MDN1: variants seen among roughly 807,000 people sequenced by gnomAD.
MDN1 encodes the protein midasin.
Under a neutral mutation model 669.2 loss-of-function variants are expected in MDN1, and 266 were observed. That is an observed-to-expected ratio of 0.40 (90% CI 0.36 to 0.44). MDN1 has a LOEUF of 0.44. MDN1 is among the 20% of genes least tolerant of loss of function. The pLI, the probability that MDN1 is intolerant of heterozygous loss-of-function variation, is 1.00. For synonymous variants in MDN1, 2,385 were observed against 2,457.1 expected, an observed-to-expected ratio of 0.97 and a Z score of 0.87; for missense variants, 5,940 against 6,754.0, an observed-to-expected ratio of 0.88 and a Z score of 4.22.
intron 65 of MDN1, among the ~76,000 whole-genome samples, chr6:89,689,229 A>G (rs1381125094): frequency 6.6e-6 from 1 of 152,180 alleles, no homozygotes; most frequent in Non-Finnish European, 1.5e-5. Context: ...TGGCCTAGAG[A>G]ACTGTAATCC....
intron 7 of MDN1, among the ~76,000 whole-genome samples, chr6:89,788,659 A>G (rs1436588135): frequency 2.0e-5 from 3 of 152,194 alleles, no homozygotes; most frequent in Admixed American, 1.3e-4. Flanking sequence ...TTAGGCTGAG[A>G]AGAAAAGAAA....
chr6:89,773,834 G>T (rs1323749516), intron 13 of MDN1, among the ~76,000 whole-genome samples: 1 of 151,854 alleles, frequency 6.6e-6, no homozygotes, highest in Non-Finnish European at 1.5e-5. Flanking sequence ...GCGTGGTGGC[G>T]CATGCCTGTA....
intron 74 of MDN1, among the ~76,000 whole-genome samples, chr6:89,679,168 G>A (rs145486668): frequency 9.9e-5 from 15 of 152,244 alleles, no homozygotes; most frequent in Admixed American, 9.2e-4. Context: ...CTAGTACATC[G>A]TAAATTCTCT....
intron 5 of MDN1, among the ~76,000 whole-genome samples, chr6:89,793,114 C>G (rs1043279705): frequency 1.3e-5 from 2 of 152,100 alleles, no homozygotes; most frequent in African/African-American, 2.4e-5. Flanking sequence ...TCAAGCCATT[C>G]GTGGAAAGAA....
Position 89,688,583 on chromosome 6 carries a change from G to T in MDN1, c.11249C>A (p.Ala3750Glu), listed in dbSNP as rs772321751. The part of the protein sequence containing the change: ...HLLQDWPEHP[A>E]LEQLLVVMDR... ...CAACAGCTGCCCTACCTGTTCAAGCGCTGGGTGTTCTGGCCAGTCCTGTAG... is the reference window on the plus strand; with the variant it reads ...CAACAGCTGCCCTACCTGTTCAAGCTCTGGGTGTTCTGGCCAGTCCTGTAG... Residue 3750 changes from alanine (A) to glutamate (E), a missense_variant, in exon 66 of 102, where the codon GCG becomes GAG. Physicochemically the swap from Ala to Glu is moderately radical, Grantham distance 107. Coordinates refer to ENST00000369393, the MANE Select transcript of MDN1 (RefSeq NM_014611.3). The T allele has an allele frequency of 6.2e-7, 1 of 1,613,528 alleles. No homozygotes were observed. The highest frequency in any genetic ancestry group is 1.7e-5 in the Admixed American group (1 of 59,978).
Position 89,745,338 on chromosome 6 carries a change from T to C in MDN1, c.4113A>G (p.Arg1371=), listed in dbSNP as rs761747510. 6 of 1,613,576 alleles carry C rather than the reference T, an allele frequency of 3.7e-6. No homozygotes were observed. In the African/African-American group the frequency reaches 6.7e-5, roughly 18 times the overall value. The stretch of plus-strand genomic sequence containing the variant: ...ATGCCCTTCCCACTAGCATCGCGAG[T>C]CTCCGCATGCCCTCAGTCCACACGA... ...GHIVWTEGMR[R]LAMLVGRALE... The change falls in exon 29 of 102, where the codon AGA becomes AGG. Residue 1371 remains arginine, a synonymous_variant. Transcript: ENST00000369393.
chr6:89,680,157 C>T (rs187901452), intron 74 of MDN1, among the ~76,000 whole-genome samples: 280 of 152,236 alleles, frequency 1.8e-3, no homozygotes, highest in Non-Finnish European at 2.1e-3. Context: ...CTCACCTTCC[C>T]TGAGCAAAGA....
At chr6:89,696,060 A>G (rs763619477) in intron 60 of MDN1, 68 bp from the exon 61 acceptor site, 4 of 1,510,624 alleles carry the variant, frequency 2.6e-6, no homozygotes, top group Admixed American at 4.2e-5. Context: ...TTCATACAGT[A>G]TAATTCTCTC....
intron 1 of MDN1, among the ~76,000 whole-genome samples, chr6:89,806,939 T>C (rs977073528): frequency 1.3e-5 from 2 of 151,956 alleles, no homozygotes; most frequent in Non-Finnish European, 2.9e-5. Flanking sequence ...ACATAAAATA[T>C]AAATTTCATT....
At position 89,690,114 on chromosome 6, in the gene MDN1, C is replaced by G. The variant is rs549448645; in HGVS notation, c.10779G>C (p.Thr3593=). ...CTGAAGTTCCTTTGTTCTCCTCCAA[C>G]GTTGGCTGCACCAAAATATCTGCAA... ...KDFADILVQP[T]LEENKGTSDG... The change falls in exon 65 of 102, where the codon ACG becomes ACC. Residue 3593 remains threonine (T), a synonymous_variant. Coordinates refer to ENST00000369393, the MANE Select transcript of MDN1 (RefSeq NM_014611.3). 1.2e-6 allele frequency: 2 copies of G among 1,614,126 alleles called. No individual in the cohort carries two copies. Among genetic ancestry groups the G allele is most frequent in the East Asian group, 2.2e-5 (1 of 44,894 alleles).
chr6:89,789,765 C>T lies in MDN1; in HGVS notation c.1230+15G>A. ...AAATATATTAAGGGACAATGAATTT[C>T]CTGAGATGACATACCACGTCTAAGG... On this transcript the variant is annotated intron_variant, in intron 7 of 101. Transcript: ENST00000369393. The T allele has an allele frequency of 6.4e-7, 1 of 1,572,660 alleles. No individual in the cohort carries two copies. Among genetic ancestry groups the T allele is most frequent in the African/African-American group, 1.4e-5 (1 of 73,056 alleles).
rs575063395 is a variant in MDN1, at chr6:89,658,832, G to A, written c.14799C>T (p.Asn4933=). The A allele has an allele frequency of 1.9e-5, 30 of 1,613,956 alleles. No homozygotes were observed. Among genetic ancestry groups the A allele is most frequent in the Admixed American group, 6.7e-5 (4 of 59,994 alleles). The stretch of plus-strand genomic sequence containing the variant: ...CAGGCTCCTGTGGACTCTGACTTTC[G>A]TTCTGGTCGGTCTCGGTCTCTCCTC... ...EERGETETDQ[N]ESQSPQEPEE... The change falls in exon 89 of 102, where the codon AAC becomes AAT. Residue 4933 remains asparagine, a synonymous_variant. Transcript: ENST00000369393.
At position 89,682,630 on chromosome 6, in the gene MDN1, C is replaced by A. The variant is rs185478039; in HGVS notation, c.12102+502G>T. On this transcript the variant is annotated intron_variant, in intron 73 of 101. Transcript: ENST00000369393. ...GGCTGAGGCAGGAGAATGGCATGAA[C>A]CCAGGAGGCGGAGCTTGCAGTGAGC... 5.4e-3 allele frequency among the ~76,000 whole-genome samples: 794 copies of A among 147,826 alleles called. 7 individuals are homozygous for A. Among genetic ancestry groups the A allele is most frequent in the Non-Finnish European group, 9.0e-3 (601 of 67,120 alleles).
At chr6:89,677,730 T>C (rs1477087951) in intron 75 of MDN1, 34 bp from the exon 76 acceptor site, 2 of 1,612,982 alleles carry the variant, frequency 1.2e-6, no homozygotes, top group South Asian at 1.1e-5. Flanking sequence ...TAAGCAAAGA[T>C]GCTTAGTAGA....
intron 67 of MDN1, 54 bp from the exon 68 acceptor site, chr6:89,687,492 C>G (rs974340535): frequency 8.0e-6 from 12 of 1,491,510 alleles, no homozygotes; most frequent in African/African-American, 1.4e-5. Context: ...CCATAATCAC[C>G]TCCTTCCTCA....
At chr6:89,734,953 T>C (rs1373636764) in intron 33 of MDN1, among the ~76,000 whole-genome samples, 5 of 151,520 alleles carry the variant, frequency 3.3e-5, no homozygotes, top group Admixed American at 2.6e-4. Flanking sequence ...TGAAGTGGTG[T>C]GATCTTGGCT....
At chr6:89,765,192 G>C (rs1012138380) in intron 15 of MDN1, among the ~76,000 whole-genome samples, 1 of 152,156 alleles carries the variant, frequency 6.6e-6, no homozygotes, top group Non-Finnish European at 1.5e-5. Flanking sequence ...CGGGAACAGA[G>C]GTTGCAGTGA....
rs111960767 is a variant in MDN1 at position 89,732,743 on chromosome 6, T to C, written c.4756A>G (p.Ile1586Val). 123 of 1,613,906 alleles carry C rather than the reference T, an allele frequency of 7.6e-5. No homozygotes were observed. The highest frequency in any genetic ancestry group is 2.3e-5 in the Non-Finnish European group (27 of 1,179,976). ...SDIPEVMLDF[I>V]DWLTHQEFGR... ...AACTCTTGGTGGGTCAGCCAGTCAA[T>C]GAAATCCAGCATCACTTCAGGTATG... The change falls in exon 34 of 102, where the codon ATT (isoleucine) becomes GTT (valine). Residue 1586 changes from isoleucine to valine, a missense_variant. By Grantham distance (29) the Ile-to-Val change is conservative (BLOSUM62 3). This residue lies in a region of MDN1 where 2,292 missense variants were observed against 2,638.3 expected (regional missense o/e 0.87). Coordinates refer to ENST00000369393, the MANE Select transcript of MDN1 (RefSeq NM_014611.3).
At chr6:89,778,923 TAAATAAATAAAA>T (rs1427606033) in intron 11 of MDN1, among the ~76,000 whole-genome samples, 2,261 of 144,424 alleles carry the variant, frequency 0.016, 76 homozygotes, top group African/African-American at 0.053. Context: ...AATAAATAAA[TAAATAAATAAAA>T]AAAAAGGTAT....
Sources: allele counts gnomAD v4.1 joint callset (sites outside exome capture counted in the v4.1 genomes callset), GRCh38; gene constraint gnomAD v4.1.1; regional missense constraint gnomAD v4.1.1; transcripts MANE v1.5; gene names NCBI Gene and HGNC (gene_info 2026-07-23, HGNC 2026-07-21).